The following ANKRD30B variants were observed in gnomAD, a reference collection of about 807,000 sequenced individuals.
ANKRD30B encodes the protein ankyrin repeat domain 30B.
In ANKRD30B, 144 loss-of-function variants were observed where a neutral mutation model predicts 202.2. The observed-to-expected ratio is 0.71, with a 90% CI of 0.62 to 0.82. ANKRD30B has a LOEUF of 0.82. ANKRD30B is among the 40% of genes least tolerant of loss of function. The pLI, the probability that ANKRD30B is intolerant of heterozygous loss-of-function variation, is 0.00. For synonymous variants in ANKRD30B, 508 were observed against 561.3 expected, an observed-to-expected ratio of 0.91 and a Z score of 1.34; for missense variants, 1,487 against 1,669.1, an observed-to-expected ratio of 0.89 and a Z score of 1.90.
rs749146055 is a variant in ANKRD30B, at chr18:14,763,923, C to A, written c.1058C>A (p.Pro353Gln). 211 of 1,606,186 alleles carry A rather than the reference C, an allele frequency of 1.3e-4. No individual in the cohort carries two copies. Among genetic ancestry groups the A allele is most frequent in the Non-Finnish European group, 1.7e-4 (199 of 1,176,668 alleles). The change falls in exon 7 of 44, where the codon CCA (proline) becomes CAA (glutamine). Residue 353 changes from proline to glutamine, a missense_variant. Pro to Gln is a moderately conservative substitution (Grantham distance 76). Around this residue, in one of 6 missense-constraint regions of ANKRD30B, gnomAD observed 889 missense variants for 841.4 expected, o/e 1.06. Coordinates refer to ENST00000690538, the MANE Select transcript of ANKRD30B (RefSeq NM_001367607.2). ...GAAACATCTGAGAAATTTTCATGGC[C>A]AGCAAAAGAAAGATCTAGGAAGATC... is the stretch of plus-strand genomic sequence containing the variant. ...TKETSEKFSWPAKERSRKITW... is the reference protein window; with the variant it reads ...TKETSEKFSWQAKERSRKITW...
chr18:14,774,598 C>T (rs539512374), intron 9 of ANKRD30B, among the ~76,000 whole-genome samples: 4 of 151,846 alleles, frequency 2.6e-5, no homozygotes, highest in South Asian at 4.1e-4. Flanking sequence ...AGCTTTTTGC[C>T]GTTCAGAATA....
At chr18:14,836,857 A>AT (rs1211118582) in intron 34 of ANKRD30B, among the ~76,000 whole-genome samples, 1 of 151,870 alleles carries the variant, frequency 6.6e-6, no homozygotes. Flanking sequence ...GTCCTTCCCA[A>AT]TATGGCCCCA....
At chr18:14,765,980 T>C (rs1916070693) in intron 7 of ANKRD30B, among the ~76,000 whole-genome samples, 1 of 152,140 alleles carries the variant, frequency 6.6e-6, no homozygotes, top group South Asian at 2.1e-4. Flanking sequence ...TAAGGGGCCA[T>C]GTCTAAGTAG....
chr18:14,796,701 T>G (rs542845935), intron 18 of ANKRD30B, among the ~76,000 whole-genome samples: 188 of 150,922 alleles, frequency 1.2e-3, no homozygotes, highest in African/African-American at 2.0e-3. Context: ...GGTTGAGACA[T>G]AATAGACACA....
At chr18:14,867,626 G>A in the ANKRD30B span, among the ~76,000 whole-genome samples, 1 of 152,178 alleles carries the variant, frequency 6.6e-6, no homozygotes, top group Admixed American at 6.5e-5. Context: ...CGGGGGCTCA[G>A]GGTCCTGTGG....
chr18:14,843,305 T>A (rs914909743), intron 39 of ANKRD30B, among the ~76,000 whole-genome samples: 2 of 152,222 alleles, frequency 1.3e-5, no homozygotes, highest in African/African-American at 4.8e-5. Flanking sequence ...TTTCAGGTGT[T>A]TCCACTTTCA....
At chr18:14,872,812 T>A in the ANKRD30B span, among the ~76,000 whole-genome samples, 1 of 152,244 alleles carries the variant, frequency 6.6e-6, no homozygotes, top group East Asian at 1.9e-4. Context: ...ACTGGCATGT[T>A]AGCCACAGAA....
At position 14,781,741 on chromosome 18, in the gene ANKRD30B, C is replaced by T. The variant is rs370522790; in HGVS notation, c.1483-786C>T. Among the ~76,000 whole-genome samples, 139 of 152,200 alleles carry T rather than the reference C, an allele frequency of 9.1e-4. 2 individuals are homozygous for T. In the South Asian group the frequency reaches 0.027, roughly 29 times the overall value. On this transcript the variant is annotated intron_variant, in intron 11 of 43. Transcript: ENST00000690538. Reference sequence around the variant, plus strand: ...CTCTGCCAGTCCAGCTGAGAGTGTCCGTGTGGCTTACAGACTCCCTGCTGA... The same window carrying T: ...CTCTGCCAGTCCAGCTGAGAGTGTCTGTGTGGCTTACAGACTCCCTGCTGA...
At chr18:14,877,001 A>T in the ANKRD30B span, among the ~76,000 whole-genome samples, 1 of 152,178 alleles carries the variant, frequency 6.6e-6, no homozygotes, top group African/African-American at 2.4e-5. Context: ...AAATACAAGG[A>T]TGTTTATGAT....
intron 37 of ANKRD30B, among the ~76,000 whole-genome samples, 180 bp from the exon 38 acceptor site, chr18:14,842,717 C>G (rs374719398): frequency 6.6e-6 from 1 of 152,206 alleles, no homozygotes; most frequent in South Asian, 2.1e-4. Flanking sequence ...TTCCTAGTTT[C>G]TTCAGTGTAT....
At chr18:14,750,338 C>A (rs1336646352) in intron 1 of ANKRD30B, among the ~76,000 whole-genome samples, 1 of 152,072 alleles carries the variant, frequency 6.6e-6, no homozygotes, top group Non-Finnish European at 1.5e-5. Context: ...TGGGCAAAGT[C>A]CTTTTTTAAG....
chr18:14,770,927 G>C (rs1005086489), intron 8 of ANKRD30B, among the ~76,000 whole-genome samples: 1 of 151,794 alleles, frequency 6.6e-6, no homozygotes, highest in African/African-American at 2.4e-5. Flanking sequence ...TTGAATGCTA[G>C]GGGATTAAAG....
the ANKRD30B span, among the ~76,000 whole-genome samples, chr18:14,926,186 C>T: frequency 1.3e-5 from 2 of 152,096 alleles, no homozygotes; most frequent in Non-Finnish European, 1.5e-5. Context: ...TACCTATGAG[C>T]CCAGGAGGGG....
intron 28 of ANKRD30B, among the ~76,000 whole-genome samples, chr18:14,811,356 C>A (rs1969912215): frequency 6.6e-6 from 1 of 151,100 alleles, no homozygotes; most frequent in Non-Finnish European, 1.5e-5. Context: ...GGAATCCAGG[C>A]GCCCACCACA....
At chr18:14,931,938 C>T in the ANKRD30B span, among the ~76,000 whole-genome samples, 26 of 134,112 alleles carry the variant, frequency 1.9e-4, no homozygotes, top group East Asian at 9.4e-4. Flanking sequence ...TGTCCCGGGC[C>T]CCCCACCCCA....
chr18:14,763,120 A>G (rs1237968560), intron 6 of ANKRD30B, among the ~76,000 whole-genome samples: 1 of 151,834 alleles, frequency 6.6e-6, no homozygotes, highest in Non-Finnish European at 1.5e-5. Flanking sequence ...TTTATTATTT[A>G]TTACTTTATT....
At chr18:14,824,735 C>T (rs1468554268) in intron 32 of ANKRD30B, among the ~76,000 whole-genome samples, 5 of 152,210 alleles carry the variant, frequency 3.3e-5, no homozygotes, top group Non-Finnish European at 7.3e-5. Context: ...TCAGAGCATT[C>T]TGGTCATGGT....
chr18:14,864,337 AAAACC>A, the ANKRD30B span, among the ~76,000 whole-genome samples: 21 of 152,260 alleles, frequency 1.4e-4, no homozygotes, highest in Middle Eastern at 6.8e-3. Context: ...TCCGTCTCAA[AAAACC>A]AAACCAAACC....
chr18:14,899,275 T>C, the ANKRD30B span, among the ~76,000 whole-genome samples: 2 of 152,132 alleles, frequency 1.3e-5, no homozygotes, highest in African/African-American at 4.8e-5. Flanking sequence ...ATTAATTATG[T>C]TTTTAAAAAC....
Sources: allele counts gnomAD v4.1 joint callset (sites outside exome capture counted in the v4.1 genomes callset), GRCh38; gene constraint gnomAD v4.1.1; regional missense constraint gnomAD v4.1.1; transcripts MANE v1.5; gene names NCBI Gene and HGNC (gene_info 2026-07-23, HGNC 2026-07-21).